CPEB1: variants seen among roughly 807,000 people sequenced by gnomAD.
CPEB1 encodes the protein cytoplasmic polyadenylation element binding protein 1.
In CPEB1, 7 loss-of-function variants were observed where a neutral mutation model predicts 65.8. The observed-to-expected ratio is 0.11, with a 90% CI of 0.06 to 0.20. The LOEUF is 0.20. CPEB1 is among the 10% of genes least tolerant of loss of function. The probability of loss-of-function intolerance (pLI) is 1.00; values close to 1 mark genes in which losing one functional copy is unlikely to be tolerated. For missense variants in CPEB1, 551 were observed against 712.2 expected (o/e 0.77, Z 2.58); for synonymous variants, 262 against 260.0 (o/e 1.01, Z -0.08).
chr15:82,592,382 G>C (rs2042328771), intron 3 of CPEB1, among the ~76,000 whole-genome samples: 1 of 151,454 alleles, frequency 6.6e-6, no homozygotes, highest in African/African-American at 2.4e-5. Context: ...GAGCTCATGA[G>C]TTTGAGACCA....
chr15:82,614,121 C>T (rs553605963), intron 3 of CPEB1, among the ~76,000 whole-genome samples: 27 of 151,688 alleles, frequency 1.8e-4, no homozygotes, highest in Admixed American at 5.2e-4. Flanking sequence ...CTGGCCTCCT[C>T]GGGAGGCTCC....
chr15:82,637,152 T>G (rs374896274), intron 1 of CPEB1, among the ~76,000 whole-genome samples: 1 of 152,160 alleles, frequency 6.6e-6, no homozygotes, highest in African/African-American at 2.4e-5. Context: ...TGACCAAGAT[T>G]TTCAATTTCT....
chr15:82,612,416 G>A (rs1466893977), intron 3 of CPEB1, among the ~76,000 whole-genome samples: 7 of 150,670 alleles, frequency 4.6e-5, no homozygotes, highest in African/African-American at 1.7e-4. Flanking sequence ...AGAATCGCTT[G>A]AGCCCGGGAG....
At chr15:82,620,272 A>G (rs1040828744) in intron 3 of CPEB1, among the ~76,000 whole-genome samples, 1 of 152,028 alleles carries the variant, frequency 6.6e-6, no homozygotes, top group Non-Finnish European at 1.5e-5. Context: ...TAAAAATACA[A>G]AAATTAGCCG....
At chr15:82,569,947 C>T (rs956840061) in intron 4 of CPEB1, among the ~76,000 whole-genome samples, 6 of 152,178 alleles carry the variant, frequency 3.9e-5, no homozygotes, top group Admixed American at 2.0e-4. Context: ...GTACCGTGGT[C>T]TCCAGGCATA....
chr15:82,610,649 A>C (rs2044040810), intron 3 of CPEB1, among the ~76,000 whole-genome samples: 1 of 152,100 alleles, frequency 6.6e-6, no homozygotes, highest in African/African-American at 2.4e-5. Context: ...ATATTCAATA[A>C]ACTAGGAATA....
intron 3 of CPEB1, among the ~76,000 whole-genome samples, chr15:82,607,952 C>G (rs1596098494): frequency 6.6e-6 from 1 of 152,134 alleles, no homozygotes; most frequent in Non-Finnish European, 1.5e-5. Flanking sequence ...TGCTTAGAAC[C>G]AGTAAGTTTC....
chr15:82,565,614 T>C (rs1486589760), intron 4 of CPEB1, among the ~76,000 whole-genome samples: 1 of 152,198 alleles, frequency 6.6e-6, no homozygotes, highest in African/African-American at 2.4e-5. Flanking sequence ...CTCCCCATCA[T>C]GGGGCACACA....
intron 3 of CPEB1, among the ~76,000 whole-genome samples, chr15:82,593,982 T>C (rs1246538984): frequency 6.6e-6 from 1 of 152,328 alleles, no homozygotes; most frequent in East Asian, 1.9e-4. Context: ...TATTGTTCCA[T>C]TTATAGAGCA....
chr15:82,585,478 T>C (rs942814789), intron 3 of CPEB1, among the ~76,000 whole-genome samples: 1 of 152,188 alleles, frequency 6.6e-6, no homozygotes, highest in African/African-American at 2.4e-5. Flanking sequence ...AGAAAACTTA[T>C]TTTTGAAGTC....
At chr15:82,551,700 C>T (rs895798020) in intron 9 of CPEB1, among the ~76,000 whole-genome samples, 11 of 152,154 alleles carry the variant, frequency 7.2e-5, no homozygotes, top group African/African-American at 2.7e-4. Context: ...AAGTTGTGTG[C>T]TCTCAAATCC....
chr15:82,598,123 CA>C (rs2151178963), intron 3 of CPEB1, among the ~76,000 whole-genome samples: 1 of 152,308 alleles, frequency 6.6e-6, no homozygotes, highest in Admixed American at 6.5e-5. Flanking sequence ...ATCCTGAGAG[CA>C]GGCTAGCATA....
At chr15:82,591,608 T>C (rs964063831) in intron 3 of CPEB1, among the ~76,000 whole-genome samples, 7 of 152,224 alleles carry the variant, frequency 4.6e-5, no homozygotes, top group African/African-American at 1.4e-4. Context: ...GCTTTTTTCA[T>C]ATGCTTGTTG....
chr15:82,563,732 T>C (rs946632647), intron 4 of CPEB1, among the ~76,000 whole-genome samples: 2 of 152,072 alleles, frequency 1.3e-5, no homozygotes, highest in Non-Finnish European at 2.9e-5. Context: ...TGGGGTAAAA[T>C]GAACACGAAC....
intron 3 of CPEB1, among the ~76,000 whole-genome samples, chr15:82,620,130 C>T (rs565727800): frequency 3.9e-5 from 6 of 152,218 alleles, no homozygotes; most frequent in Admixed American, 1.3e-4. Context: ...ATATCTGGGC[C>T]GGGTGTGGTT....
intron 1 of CPEB1, among the ~76,000 whole-genome samples, chr15:82,644,861 C>A (rs370431511): frequency 5.4e-4 from 83 of 152,360 alleles, no homozygotes; most frequent in African/African-American, 2.0e-3. Context: ...CATTTGGTCA[C>A]TAGTTAAGTT....
At chr15:82,545,374 T>G (rs934360797) in intron 12 of CPEB1, among the ~76,000 whole-genome samples, 4 of 152,188 alleles carry the variant, frequency 2.6e-5, no homozygotes, top group African/African-American at 9.7e-5. Context: ...CCAAATCTGA[T>G]CAATGGCATC....
At chr15:82,600,887 C>G (rs1221906988) in intron 3 of CPEB1, among the ~76,000 whole-genome samples, 1 of 147,610 alleles carries the variant, frequency 6.8e-6, no homozygotes, top group Non-Finnish European at 1.5e-5. Flanking sequence ...TTAAAGAACC[C>G]AGAACTTGTC....
chr15:82,560,421 A>T (rs2037999804), intron 4 of CPEB1, among the ~76,000 whole-genome samples: 1 of 142,416 alleles, frequency 7.0e-6, no homozygotes, highest in African/African-American at 2.6e-5. Flanking sequence ...TTTTTTTGAG[A>T]CAGGGCCTAG....
Sources: gnomAD v4.1 joint callset for allele counts (sites outside exome capture counted in the v4.1 genomes callset) on GRCh38, gnomAD v4.1.1 for gene constraint, MANE v1.5 for transcripts, NCBI Gene and HGNC (gene_info 2026-07-23, HGNC 2026-07-21) for gene names.